PARD3B: variants seen among roughly 807,000 people sequenced by gnomAD.
PARD3B encodes the protein partitioning defective 3 homolog B.
In PARD3B, 103 loss-of-function variants were observed where a neutral mutation model predicts 130.2. That is an observed-to-expected ratio of 0.79 (90% CI 0.67 to 0.93). PARD3B has a LOEUF of 0.93. Ranked by LOEUF, PARD3B falls within the 40% of genes least tolerant of loss-of-function variation. The pLI, the probability that PARD3B is intolerant of heterozygous loss-of-function variation, is 0.00. For missense variants in PARD3B, 1,609 were observed against 1,499.2 expected, an observed-to-expected ratio of 1.07 and a Z score of -1.21; for synonymous variants, 583 against 553.2, an observed-to-expected ratio of 1.05 and a Z score of -0.76.
At chr2:205,345,618 T>C (rs1233586741) in intron 18 of PARD3B, among the ~76,000 whole-genome samples, 1 of 151,542 alleles carries the variant, frequency 6.6e-6, no homozygotes, top group East Asian at 2.0e-4. Flanking sequence ...GTTCACCCCC[T>C]TTCCCTATCT....
At chr2:205,279,726 G>C (rs940846420) in intron 16 of PARD3B, among the ~76,000 whole-genome samples, 2 of 152,160 alleles carry the variant, frequency 1.3e-5, no homozygotes, top group African/African-American at 4.8e-5. Flanking sequence ...GGTTCAGCCA[G>C]TTCCATTTCA....
chr2:205,083,322 G>T (rs1701544901), intron 4 of PARD3B, among the ~76,000 whole-genome samples: 1 of 135,524 alleles, frequency 7.4e-6, no homozygotes, highest in South Asian at 2.4e-4. Flanking sequence ...CATAAAAGTG[G>T]TTTTAAGAAT....
chr2:204,729,984 TACACACACACACAA>T lies in PARD3B; in HGVS notation c.222+43716_222+43729del, dbSNP rs1327590822. 7.7e-4 allele frequency among the ~76,000 whole-genome samples: 63 copies of T among 81,730 alleles called. 1 individual carries two copies. The highest frequency in any genetic ancestry group is 2.6e-3 in the African/African-American group (61 of 23,280). 53.6% of individuals were successfully genotyped at this position (81,730 alleles called of 152,430 possible). On this transcript the variant is annotated intron_variant, in intron 2 of 22. Coordinates refer to ENST00000406610, the MANE Select transcript of PARD3B (RefSeq NM_001302769.2). ...ATTCTTTCTACTTTCTAGTTACAGA[TACACACACACACAA>T]ACACACACACACACACACACACACA...
chr2:205,168,320 A>AGAGAGAGAGAGAGTGAGT (rs371904121), intron 11 of PARD3B, among the ~76,000 whole-genome samples: 1 of 119,694 alleles, frequency 8.4e-6, no homozygotes, highest in East Asian at 2.5e-4. Context: ...AGAGAGAGAG[A>AGAGAGAGAGAGAGTGAGT]GTGTGTGTGT....
chr2:205,107,023 C>G (rs1455281506), intron 5 of PARD3B, among the ~76,000 whole-genome samples: 2 of 152,168 alleles, frequency 1.3e-5, no homozygotes, highest in East Asian at 3.8e-4. Flanking sequence ...ATCTCATATG[C>G]CACAGGGCTT....
chr2:204,697,976 G>A (rs1036403352), intron 2 of PARD3B, among the ~76,000 whole-genome samples: 1 of 152,060 alleles, frequency 6.6e-6, no homozygotes, highest in East Asian at 1.9e-4. Context: ...ATTTTATTTT[G>A]TTGTTATGAA....
chr2:205,610,253 G>C (rs910592326), intron 22 of PARD3B, among the ~76,000 whole-genome samples: 1 of 152,136 alleles, frequency 6.6e-6, no homozygotes, highest in Non-Finnish European at 1.5e-5. Flanking sequence ...TTGACCTCGG[G>C]TTCGTGTTCA....
chr2:204,587,263 C>T (rs1021214386), intron 1 of PARD3B, among the ~76,000 whole-genome samples: 4 of 151,956 alleles, frequency 2.6e-5, no homozygotes, highest in African/African-American at 9.7e-5. Context: ...TTTTACAGGA[C>T]GTAAGAAAGA....
chr2:205,106,954 A>G (rs1225127634), intron 5 of PARD3B, among the ~76,000 whole-genome samples: 2 of 152,126 alleles, frequency 1.3e-5, no homozygotes, highest in Admixed American at 6.6e-5. Flanking sequence ...AGTTGAAGTG[A>G]AATTAGGAAG....
intron 2 of PARD3B, among the ~76,000 whole-genome samples, chr2:204,789,281 T>C (rs1004870953): frequency 5.9e-5 from 9 of 152,128 alleles, no homozygotes; most frequent in Non-Finnish European, 1.0e-4. Flanking sequence ...GAAATCCTGG[T>C]TTCAGGTGAT....
intron 18 of PARD3B, among the ~76,000 whole-genome samples, chr2:205,346,167 G>T (rs560876613): frequency 3.5e-5 from 4 of 114,594 alleles, no homozygotes; most frequent in Non-Finnish European, 7.7e-5. Context: ...GTGAGACTCC[G>T]TCTCAAAATA....
intron 20 of PARD3B, among the ~76,000 whole-genome samples, chr2:205,489,624 C>G (rs1276328531): frequency 6.6e-6 from 1 of 150,428 alleles, no homozygotes; most frequent in Non-Finnish European, 1.5e-5. Context: ...GAATACTATT[C>G]AAAATATAAA....
intron 10 of PARD3B, among the ~76,000 whole-genome samples, chr2:205,156,588 G>A (rs2034186312): frequency 6.6e-6 from 1 of 151,624 alleles, no homozygotes; most frequent in Non-Finnish European, 1.5e-5. Flanking sequence ...CTGTGCTTGA[G>A]CCCCACAAAG....
chr2:205,567,242 TAATG>T (rs1451638572), intron 22 of PARD3B, among the ~76,000 whole-genome samples: 1 of 143,756 alleles, frequency 7.0e-6, no homozygotes, highest in Non-Finnish European at 1.5e-5. Context: ...TGGAAAAAAA[TAATG>T]AATGGGACAA....
intron 2 of PARD3B, among the ~76,000 whole-genome samples, chr2:204,794,030 C>G (rs185030229): frequency 2.6e-4 from 39 of 152,078 alleles, no homozygotes; most frequent in South Asian, 1.7e-3. Context: ...GTGTTCAAAG[C>G]TAAAGGAATT....
chr2:204,976,081 A>G (rs1301374261), intron 3 of PARD3B, among the ~76,000 whole-genome samples: 1 of 152,184 alleles, frequency 6.6e-6, no homozygotes, highest in African/African-American at 2.4e-5. Flanking sequence ...AGGTTAGGCA[A>G]AATTTTCATC....
chr2:205,217,260 C>T (rs968692002), intron 15 of PARD3B, among the ~76,000 whole-genome samples: 3 of 152,192 alleles, frequency 2.0e-5, no homozygotes, highest in African/African-American at 7.2e-5. Flanking sequence ...CTGTAAGTTT[C>T]TGGTCACTGC....
At chr2:204,954,397 G>A (rs978430118) in intron 2 of PARD3B, among the ~76,000 whole-genome samples, 2 of 152,168 alleles carry the variant, frequency 1.3e-5, no homozygotes, top group African/African-American at 4.8e-5. Flanking sequence ...TTGCTCAGCT[G>A]TCATGAAATG....
intron 2 of PARD3B, among the ~76,000 whole-genome samples, chr2:204,913,021 C>G (rs1363209608): frequency 6.6e-5 from 10 of 152,158 alleles, no homozygotes; most frequent in Admixed American, 6.5e-4. Context: ...AAATGAACGT[C>G]ATATGTTTAT....
Sources: gnomAD v4.1 joint callset for allele counts (sites outside exome capture counted in the v4.1 genomes callset) on GRCh38, gnomAD v4.1.1 for gene constraint, MANE v1.5 for transcripts, NCBI Gene and HGNC (gene_info 2026-07-23, HGNC 2026-07-21) for gene names.